TENM2: variants seen among roughly 807,000 people sequenced by gnomAD.
The protein encoded by TENM2 is teneurin-2.
A neutral mutation model predicts 245.2 loss-of-function variants in TENM2; 52 were observed. The ratio of observed to expected loss-of-function variants is 0.21; its 90% CI spans 0.17 to 0.27. TENM2 has a LOEUF of 0.27. Ranked by LOEUF, TENM2 falls within the 10% of genes least tolerant of loss-of-function variation. The pLI is 1.00. For missense variants in TENM2, 3,046 were observed against 3,666.8 expected (o/e 0.83, Z 4.37); for synonymous variants, 1,363 against 1,438.9 (o/e 0.95, Z 1.19).
At chr5:168,166,839 T>C (rs1758345082) in intron 13 of TENM2, among the ~76,000 whole-genome samples, 1 of 152,198 alleles carries the variant, frequency 6.6e-6, no homozygotes, top group Non-Finnish European at 1.5e-5. Context: ...AAATCCCTGT[T>C]GGAGAAGGCT....
intron 12 of TENM2, among the ~76,000 whole-genome samples, chr5:168,156,715 T>G: frequency 6.9e-6 from 1 of 144,010 alleles, no homozygotes; most frequent in Non-Finnish European, 1.5e-5. Flanking sequence ...GTGGACAGAC[T>G]TTTTTTTTTC....
chr5:168,209,359 T>G (rs1762616174), intron 19 of TENM2, among the ~76,000 whole-genome samples: 1 of 152,216 alleles, frequency 6.6e-6, no homozygotes, highest in Non-Finnish European at 1.5e-5. Context: ...GAATTCTACA[T>G]GGGGACTTTT....
chr5:167,280,969 G>T (rs1315175535), upstream of TENM2, among the ~76,000 whole-genome samples: 2 of 151,948 alleles, frequency 1.3e-5, no homozygotes, highest in Non-Finnish European at 2.9e-5. Flanking sequence ...GCTTTTAGCT[G>T]TACCTTGTAG....
At chr5:168,196,247 C>A (rs781721617) in intron 15 of TENM2, among the ~76,000 whole-genome samples, 9 of 152,108 alleles carry the variant, frequency 5.9e-5, no homozygotes, top group Non-Finnish European at 1.3e-4. Context: ...AATTACCAGC[C>A]CCCAGGAGCC....
At chr5:167,861,058 A>G (rs1187170101) in intron 2 of TENM2, among the ~76,000 whole-genome samples, 1 of 151,278 alleles carries the variant, frequency 6.6e-6, no homozygotes, top group Non-Finnish European at 1.5e-5. Context: ...AAATTAAAAA[A>G]AAAAAAAAAA....
the TENM2 span, among the ~76,000 whole-genome samples, chr5:167,001,830 C>G: frequency 1.6e-4 from 25 of 152,024 alleles, no homozygotes; most frequent in African/African-American, 5.8e-4. Flanking sequence ...TTAGCTCCCT[C>G]TCTTTTTTTT....
At chr5:168,049,205 A>G (rs1788869238) in intron 6 of TENM2, among the ~76,000 whole-genome samples, 1 of 152,168 alleles carries the variant, frequency 6.6e-6, no homozygotes, top group Non-Finnish European at 1.5e-5. Context: ...TAAACAACCT[A>G]TAATACACAG....
chr5:167,679,304 A>G (rs1218366863), intron 2 of TENM2, among the ~76,000 whole-genome samples: 3 of 152,166 alleles, frequency 2.0e-5, no homozygotes, highest in Non-Finnish European at 4.4e-5. Flanking sequence ...TTCCATATTC[A>G]TATGGTAAAA....
chr5:167,472,395 G>A (rs903820063), intron 2 of TENM2, among the ~76,000 whole-genome samples: 4 of 152,066 alleles, frequency 2.6e-5, no homozygotes, highest in South Asian at 2.1e-4. Flanking sequence ...TTTTCTAGCC[G>A]CAATAGTTTA....
the TENM2 span, among the ~76,000 whole-genome samples, chr5:167,198,935 C>T: frequency 1.3e-5 from 2 of 151,856 alleles, no homozygotes; most frequent in African/African-American, 4.8e-5. Context: ...GTGAGCCGTG[C>T]TTGGTCTCAT....
chr5:168,226,040 A>G lies in TENM2; in HGVS notation c.5109-48A>G, dbSNP rs1764149123. On this transcript the variant is annotated intron_variant, in intron 23 of 28. Transcript: ENST00000518659. ...GAGTCTTGGGAACACTGTCAGCCCC[A>G]ATGACTGCTGCTAACCAGGGTTTAT... 2.6e-6 allele frequency: 4 copies of G among 1,555,082 alleles called. No homozygotes were observed. In the African/African-American group the frequency reaches 4.1e-5, roughly 16 times the overall value.
At chr5:167,624,123 A>C (rs1778351094) in intron 2 of TENM2, among the ~76,000 whole-genome samples, 1 of 152,198 alleles carries the variant, frequency 6.6e-6, no homozygotes, top group Admixed American at 6.5e-5. Flanking sequence ...ACCTGCACTC[A>C]TATATTTATT....
At chr5:168,047,344 G>A in intron 5 of TENM2, 83 bp from the exon 8 acceptor site, 1 of 1,506,024 alleles carries the variant, frequency 6.6e-7, no homozygotes, top group Non-Finnish European at 9.0e-7. Flanking sequence ...CAATCGCTTG[G>A]AAAAGGGCAC....
chr5:167,342,672 C>T (rs1581788960), intron 1 of TENM2, among the ~76,000 whole-genome samples: 3 of 151,534 alleles, frequency 2.0e-5, no homozygotes, highest in East Asian at 2.0e-4. Context: ...GGACTACAGG[C>T]GCCCGCCACT....
chr5:168,073,423 T>C (rs929042430), intron 7 of TENM2, among the ~76,000 whole-genome samples: 3 of 152,210 alleles, frequency 2.0e-5, no homozygotes, highest in African/African-American at 7.2e-5. Context: ...AACCAAGACA[T>C]GCCTTGTTGT....
intron 27 of TENM2, among the ~76,000 whole-genome samples, chr5:168,249,816 G>A (rs1465904210): frequency 6.6e-6 from 1 of 151,960 alleles, no homozygotes; most frequent in African/African-American, 2.4e-5. Context: ...CTATGATCAT[G>A]ACACTGCACT....
chr5:167,767,877 G>T (rs555761754), intron 2 of TENM2, among the ~76,000 whole-genome samples: 42 of 152,274 alleles, frequency 2.8e-4, no homozygotes, highest in African/African-American at 1.0e-3. Flanking sequence ...TTGATGTCTT[G>T]GTGCATGACA....
intron 3 of TENM2, among the ~76,000 whole-genome samples, chr5:167,942,281 T>C (rs1779247483): frequency 6.6e-6 from 1 of 152,152 alleles, no homozygotes; most frequent in Non-Finnish European, 1.5e-5. Context: ...CTGAGGGCCT[T>C]CTATGTGTGA....
At chr5:167,967,062 A>G (rs1781436791) in intron 4 of TENM2, 1 of 152,142 alleles carries the variant, frequency 6.6e-6, no homozygotes, top group African/African-American at 2.4e-5. Flanking sequence ...TTAATTTTGC[A>G]GTTTTCTTAG....
Sources: gnomAD v4.1 joint callset for allele counts (sites outside exome capture counted in the v4.1 genomes callset) on GRCh38, gnomAD v4.1.1 for gene constraint, MANE v1.5 for transcripts, NCBI Gene and HGNC (gene_info 2026-07-23, HGNC 2026-07-21) for gene names.